Variants in PACRG observed in about 807,000 individuals in gnomAD.
PACRG encodes parkin coregulated gene protein.
A neutral mutation model predicts 29.7 loss-of-function variants in PACRG; 29 were observed. The ratio of observed to expected loss-of-function variants is 0.98; its 90% CI spans 0.73 to 1.33. PACRG has a LOEUF of 1.33. Among genes scored for constraint, PACRG ranks in the 40% most tolerant of loss-of-function variants. The probability of loss-of-function intolerance (pLI) is 0.00; values close to 1 mark genes in which losing one functional copy is unlikely to be tolerated. For synonymous variants in PACRG, 116 were observed against 118.7 expected (o/e 0.98, Z 0.15); for missense variants, 279 against 316.2 (o/e 0.88, Z 0.89).
At chr6:163,122,006 T>A (rs16894507) in intron 4 of PACRG, among the ~76,000 whole-genome samples, 6,183 of 152,164 alleles carry the variant, frequency 0.041, 287 homozygotes, top group East Asian at 0.11. Context: ...CTTGCTGCTA[T>A]TCTATACATG....
intron 4 of PACRG, chr6:163,100,682 T>G: frequency 5.6e-6 from 4 of 718,912 alleles, no homozygotes; most frequent in Non-Finnish European, 6.8e-6. Flanking sequence ...AGGAAACTGT[T>G]GGAGAAATGT....
chr6:162,921,687 C>G (rs539644815), intron 2 of PACRG, among the ~76,000 whole-genome samples: 2 of 152,160 alleles, frequency 1.3e-5, no homozygotes, highest in Non-Finnish European at 2.9e-5. Context: ...ATTGTATACA[C>G]TTATTGGATA....
At chr6:163,030,611 A>G (rs1239705090) in intron 2 of PACRG, among the ~76,000 whole-genome samples, 2 of 152,240 alleles carry the variant, frequency 1.3e-5, no homozygotes, top group South Asian at 2.1e-4. Context: ...AAGTAAGTTT[A>G]TTAAGAAAGT....
chr6:162,745,913 G>A (rs1450454908), intron 1 of PACRG, among the ~76,000 whole-genome samples: 1 of 151,778 alleles, frequency 6.6e-6, no homozygotes, highest in African/African-American at 2.4e-5. Flanking sequence ...CTGTCATTTT[G>A]GGAAAAAAGT....
intron 2 of PACRG, among the ~76,000 whole-genome samples, chr6:162,995,602 C>T (rs764182456): frequency 3.4e-4 from 52 of 152,354 alleles, no homozygotes; most frequent in Admixed American, 1.4e-3. Context: ...CTTCGGCTCG[C>T]GCCTGGTGCG....
intron 1 of PACRG, among the ~76,000 whole-genome samples, chr6:162,793,110 G>A (rs1182385599): frequency 1.3e-5 from 2 of 152,248 alleles, no homozygotes; most frequent in Non-Finnish European, 2.9e-5. Context: ...TGGTAAATTT[G>A]TAGTTTATTC....
chr6:162,750,464 T>C (rs1305927724), intron 1 of PACRG, among the ~76,000 whole-genome samples: 1 of 152,226 alleles, frequency 6.6e-6, no homozygotes, highest in Non-Finnish European at 1.5e-5. Flanking sequence ...AGATTATTTC[T>C]AATGATCATT....
intron 2 of PACRG, among the ~76,000 whole-genome samples, chr6:163,039,723 A>T (rs1808513946): frequency 1.3e-5 from 2 of 152,248 alleles, no homozygotes; most frequent in Admixed American, 1.3e-4. Context: ...GATTTAGGGC[A>T]TCTGGCAGAA....
intron 2 of PACRG, among the ~76,000 whole-genome samples, chr6:162,924,748 A>G (rs1182220037): frequency 1.3e-5 from 2 of 152,126 alleles, no homozygotes; most frequent in Non-Finnish European, 2.9e-5. Context: ...CATCACAACT[A>G]AAAGAACTAG....
At chr6:163,204,613 T>A (rs1780831200) in intron 4 of PACRG, among the ~76,000 whole-genome samples, 1 of 152,028 alleles carries the variant, frequency 6.6e-6, no homozygotes, top group Admixed American at 6.6e-5. Context: ...GAGCCCATGG[T>A]CAGAGCACCC....
chr6:163,297,998 G>A (rs1488097879), intron 4 of PACRG, among the ~76,000 whole-genome samples: 2 of 152,150 alleles, frequency 1.3e-5, no homozygotes, highest in African/African-American at 2.4e-5. Context: ...CAAGGTGGTG[G>A]CCCGGGATAC....
At chr6:163,178,182 G>A (rs1439113280) in intron 4 of PACRG, among the ~76,000 whole-genome samples, 1 of 152,176 alleles carries the variant, frequency 6.6e-6, no homozygotes. Flanking sequence ...GTCCCTTGTT[G>A]AAGTGCATGC....
At chr6:162,746,060 G>C (rs946010614) in intron 1 of PACRG, among the ~76,000 whole-genome samples, 3 of 152,060 alleles carry the variant, frequency 2.0e-5, no homozygotes, top group Non-Finnish European at 4.4e-5. Context: ...AAAAAATTAT[G>C]TAATAAATGC....
Position 162,997,663 on chromosome 6 carries a change from A to G in PACRG, c.292-64487A>G, listed in dbSNP as rs1217050456. 4.6e-5 allele frequency: 11 copies of G among 238,324 alleles called. No homozygotes were observed. In the Admixed American group the frequency reaches 6.3e-4, roughly 14 times the overall value. 14.8% of individuals were successfully genotyped at this position (238,324 alleles called of 1,614,324 possible). ...AGATAAACTCACTAGATTATTCTTCAAAGTGGTGATTTCAGTTTCCATTCT... is the reference window on the plus strand; with the variant it reads ...AGATAAACTCACTAGATTATTCTTCGAAGTGGTGATTTCAGTTTCCATTCT... On this transcript the variant is annotated intron_variant, in intron 2 of 4. Transcript: ENST00000366888.
intron 4 of PACRG, among the ~76,000 whole-genome samples, chr6:163,286,904 G>T (rs1282724547): frequency 2.2e-4 from 34 of 151,968 alleles, no homozygotes; most frequent in Admixed American, 2.2e-3. Context: ...ATATATGTAG[G>T]TGTGTATTTG....
In PACRG at chr6:162,747,448, AT is replaced by A. The variant is rs1562557082; in HGVS notation, c.156+19058del. ...AATATATATGTAAAACTATATATATATATAACTATAAATATATATGTAAAAC... is the reference window on the plus strand; with the variant it reads ...AATATATATGTAAAACTATATATATAATAACTATAAATATATATGTAAAAC... On this transcript the variant is annotated intron_variant, in intron 1 of 4. Coordinates refer to ENST00000366888, the MANE Select transcript of PACRG (RefSeq NM_001080379.2). 4.1e-5 allele frequency among the ~76,000 whole-genome samples: 5 copies of A among 120,708 alleles called. 1 individual carries two copies. Among genetic ancestry groups the A allele is most frequent in the African/African-American group, 1.7e-4 (5 of 29,304 alleles). The allele number at this position is 120,708 out of a possible 152,430, so 79.2% of individuals were successfully genotyped here. A position where few individuals can be genotyped will look rare whatever the true frequency, so the allele number is the denominator to read the frequency against.
intron 2 of PACRG, among the ~76,000 whole-genome samples, chr6:163,054,913 G>A (rs750021090): frequency 2.0e-5 from 3 of 152,198 alleles, no homozygotes; most frequent in African/African-American, 7.2e-5. Context: ...CTCAGAACCA[G>A]CGAGGTCAGG....
chr6:163,139,726 G>A (rs147713341), intron 4 of PACRG, among the ~76,000 whole-genome samples: 149 of 149,910 alleles, frequency 9.9e-4, no homozygotes, highest in African/African-American at 3.3e-3. Context: ...AGTAATTGCC[G>A]TTAAAAGTAA....
chr6:162,949,667 T>A (rs941632308), intron 2 of PACRG, among the ~76,000 whole-genome samples: 3 of 152,188 alleles, frequency 2.0e-5, no homozygotes, highest in Non-Finnish European at 2.9e-5. Flanking sequence ...TAATGACATT[T>A]TATTTCCCCA....
Sources: gnomAD v4.1 joint callset for allele counts (sites outside exome capture counted in the v4.1 genomes callset) on GRCh38, gnomAD v4.1.1 for gene constraint, MANE v1.5 for transcripts, NCBI Gene and HGNC (gene_info 2026-07-23, HGNC 2026-07-21) for gene names.